RALYL: variants seen among roughly 807,000 people sequenced by gnomAD.
RALYL encodes the protein RNA-binding Raly-like protein.
RALYL carries 29 observed loss-of-function variants against 35.1 expected under a neutral mutation model. The observed-to-expected ratio is 0.83, with a 90% CI of 0.61 to 1.13. The LOEUF (loss-of-function observed/expected upper bound fraction) is 1.13. Ranked by LOEUF, RALYL falls within the 50% of genes most tolerant of loss-of-function variation. The pLI, the probability that RALYL is intolerant of heterozygous loss-of-function variation, is 0.00. For synonymous variants in RALYL, 120 were observed against 127.6 expected (o/e 0.94, Z 0.40); for missense variants, 359 against 360.4 (o/e 1.00, Z 0.03).
intron 4 of RALYL, among the ~76,000 whole-genome samples, chr8:84,842,835 A>T (rs568145826): frequency 9.7e-4 from 148 of 152,328 alleles, no homozygotes; most frequent in African/African-American, 3.5e-3. Flanking sequence ...AATAAACGTT[A>T]TCCAGCATAT....
chr8:84,540,297 T>C (rs548235300), intron 2 of RALYL, among the ~76,000 whole-genome samples: 1 of 150,926 alleles, frequency 6.6e-6, no homozygotes, highest in African/African-American at 2.4e-5. Context: ...TTTGTTATTA[T>C]TGTTTATCAT....
intron 2 of RALYL, among the ~76,000 whole-genome samples, chr8:84,565,345 T>C (rs1249812265): frequency 6.6e-6 from 1 of 151,614 alleles, no homozygotes; most frequent in Non-Finnish European, 1.5e-5. Context: ...CAAATCAAGA[T>C]AATCAATTTC....
intron 2 of RALYL, among the ~76,000 whole-genome samples, chr8:84,601,140 A>G (rs10504806): frequency 0.08 from 12,127 of 152,172 alleles, 1,253 homozygotes; most frequent in African/African-American, 0.24. Context: ...CATAGTTTTA[A>G]TATTGATGCC....
At chr8:84,364,739 G>A (rs1315613780) in intron 1 of RALYL, among the ~76,000 whole-genome samples, 1 of 152,046 alleles carries the variant, frequency 6.6e-6, no homozygotes, top group Admixed American at 6.6e-5. Flanking sequence ...AAACAGTACT[G>A]TTTAGGAGAG....
At chr8:84,784,301 A>G (rs1389342338) in intron 3 of RALYL, among the ~76,000 whole-genome samples, 1 of 152,230 alleles carries the variant, frequency 6.6e-6, no homozygotes, top group Non-Finnish European at 1.5e-5. Context: ...GTTTGAGCCC[A>G]TATAAAATGA....
chr8:84,216,211 CTATGAT>C (rs1277019666), intron 1 of RALYL, among the ~76,000 whole-genome samples: 1 of 151,952 alleles, frequency 6.6e-6, no homozygotes, highest in Non-Finnish European at 1.5e-5. Context: ...GATATTTCTG[CTATGAT>C]GTATACATTT....
At chr8:84,246,120 A>G (rs1191135367) in intron 1 of RALYL, among the ~76,000 whole-genome samples, 1 of 152,128 alleles carries the variant, frequency 6.6e-6, no homozygotes, top group African/African-American at 2.4e-5. Flanking sequence ...CCAAGAACAC[A>G]TGTGTACCCC....
chr8:84,586,627 A>C (rs949370534), intron 2 of RALYL, among the ~76,000 whole-genome samples: 1 of 152,234 alleles, frequency 6.6e-6, no homozygotes, highest in African/African-American at 2.4e-5. Flanking sequence ...TCAAATGCTT[A>C]GTCTCACAGC....
intron 1 of RALYL, among the ~76,000 whole-genome samples, chr8:84,202,717 C>G: frequency 6.6e-6 from 1 of 152,078 alleles, no homozygotes; most frequent in East Asian, 1.9e-4. Flanking sequence ...TTCATGGTGA[C>G]TTTAGACTCT....
chr8:84,778,771 CA>C (rs2133669535), intron 3 of RALYL, among the ~76,000 whole-genome samples: 2 of 152,124 alleles, frequency 1.3e-5, no homozygotes, highest in South Asian at 4.1e-4. Context: ...ACCACTTAAA[CA>C]TGGTGACTGA....
chr8:84,295,142 G>A (rs1022123313), intron 1 of RALYL, among the ~76,000 whole-genome samples: 1 of 152,102 alleles, frequency 6.6e-6, no homozygotes, highest in African/African-American at 2.4e-5. Flanking sequence ...ATTGGGGTGG[G>A]GAGAGTAAAA....
intron 1 of RALYL, among the ~76,000 whole-genome samples, chr8:84,212,228 G>A (rs1819652038): frequency 6.6e-6 from 1 of 152,000 alleles, no homozygotes; most frequent in Non-Finnish European, 1.5e-5. Context: ...TTACATCACT[G>A]TAGTGTTTTT....
chr8:84,419,272 G>A (rs1445274070), intron 1 of RALYL, among the ~76,000 whole-genome samples: 1 of 152,054 alleles, frequency 6.6e-6, no homozygotes, highest in Non-Finnish European at 1.5e-5. Context: ...CATCATGAGG[G>A]CTCCTTAAGT....
At chr8:84,585,403 A>G (rs1811769829) in intron 2 of RALYL, among the ~76,000 whole-genome samples, 1 of 152,298 alleles carries the variant, frequency 6.6e-6, no homozygotes, top group African/African-American at 2.4e-5. Context: ...ATTAATATTT[A>G]TTACTGATTC....
intron 8 of RALYL, among the ~76,000 whole-genome samples, chr8:84,918,263 G>A (rs1304734506): frequency 6.6e-6 from 1 of 151,946 alleles, no homozygotes; most frequent in Admixed American, 6.6e-5. Flanking sequence ...TAAATAAGGT[G>A]GATTTATTCT....
intron 2 of RALYL, among the ~76,000 whole-genome samples, chr8:84,663,916 A>G (rs7825871): frequency 0.3 from 45,065 of 151,898 alleles, 7,476 homozygotes; most frequent in African/African-American, 0.45. Context: ...ATGCTACTGC[A>G]TAGGTTTTCT....
chr8:84,525,071 A>G (rs2058772506), intron 1 of RALYL, among the ~76,000 whole-genome samples: 1 of 114,208 alleles, frequency 8.8e-6, no homozygotes. Context: ...CAGTGTCTTA[A>G]TCATACTAGC....
chr8:84,491,900 A>G (rs1032675045), intron 1 of RALYL, among the ~76,000 whole-genome samples: 1 of 151,820 alleles, frequency 6.6e-6, no homozygotes, highest in Non-Finnish European at 1.5e-5. Flanking sequence ...TTTATATCCA[A>G]CCCTATATCC....
At chr8:84,580,241 T>C (rs1257857518) in intron 2 of RALYL, among the ~76,000 whole-genome samples, 2 of 152,230 alleles carry the variant, frequency 1.3e-5, no homozygotes, top group Non-Finnish European at 2.9e-5. Context: ...ATATTTTTAT[T>C]GTCTATGTCT....
Sources: allele counts gnomAD v4.1 joint callset (sites outside exome capture counted in the v4.1 genomes callset), GRCh38; gene constraint gnomAD v4.1.1; transcripts MANE v1.5; gene names NCBI Gene and HGNC (gene_info 2026-07-23, HGNC 2026-07-21).